Variants in ACSS3 observed in about 807,000 individuals in gnomAD.
The protein encoded by ACSS3 is acyl-CoA synthetase short chain family member 3, also known as acyl-CoA synthetase short-chain family member 3, mitochondrial.
In ACSS3, 64 loss-of-function variants were observed where a neutral mutation model predicts 84.2. The observed-to-expected ratio is 0.76, with a 90% confidence interval of 0.62 to 0.94. The LOEUF (loss-of-function observed/expected upper bound fraction) is 0.94. Ranked by LOEUF, ACSS3 falls within the 40% of genes least tolerant of loss-of-function variation. The probability of loss-of-function intolerance (pLI) is 0.00; values close to 1 mark genes in which losing one functional copy is unlikely to be tolerated. For missense variants in ACSS3, 815 were observed against 867.6 expected (o/e 0.94, Z 0.76); for synonymous variants, 317 against 310.1 (o/e 1.02, Z -0.23).
At chr12:81,165,988 T>C (rs1887384845) in intron 7 of ACSS3, among the ~76,000 whole-genome samples, 1 of 152,208 alleles carries the variant, frequency 6.6e-6, no homozygotes, top group Non-Finnish European at 1.5e-5. Context: ...GTAGATATTT[T>C]AAGTACCCCA....
At position 81,207,648 on chromosome 12, in the gene ACSS3, G is replaced by T. The variant is rs973279805; in HGVS notation, c.1354+8204G>T. ...AGAATCTTGGCCTGTAAATAATTCAGATTCAAAAAAACTTGGACTGTAAAA... is the reference window on the plus strand; with the variant it reads ...AGAATCTTGGCCTGTAAATAATTCATATTCAAAAAAACTTGGACTGTAAAA... On this transcript the variant is annotated intron_variant, in intron 9 of 15. Transcript: ENST00000548058. 5.3e-5 allele frequency among the ~76,000 whole-genome samples: 8 copies of T among 152,072 alleles called. No homozygotes were observed. The South Asian group carries it at 1.2e-3, about 24-fold the overall frequency.
chr12:81,099,186 TTGTTTCCAATA>T (rs1882304936), intron 1 of ACSS3, among the ~76,000 whole-genome samples: 1 of 152,284 alleles, frequency 6.6e-6, no homozygotes, highest in African/African-American at 2.4e-5. Flanking sequence ...CATCTTTGAA[TTGTTTCCAATA>T]TGTTGGCTTT....
At chr12:81,208,320 T>TA (rs1215542878) in intron 9 of ACSS3, among the ~76,000 whole-genome samples, 1 of 152,180 alleles carries the variant, frequency 6.6e-6, no homozygotes, top group Admixed American at 6.5e-5. Context: ...GAATGGCAGA[T>TA]TGCCAGATGC....
At chr12:81,231,430 T>G (rs1235371336) in intron 12 of ACSS3, among the ~76,000 whole-genome samples, 1 of 151,784 alleles carries the variant, frequency 6.6e-6, no homozygotes, top group Non-Finnish European at 1.5e-5. Flanking sequence ...CATAAAAATG[T>G]TTTTTGGACT....
At position 81,259,247 on chromosome 12, in the gene ACSS3, C is replaced by A; in HGVS notation, c.*4325C>A. ...AAATACAAACAGTACTTGGAATTGT[C>A]AAATGTTTGCACTCGAGACTCCATG... is the stretch of plus-strand genomic sequence containing the variant. On this transcript the variant is annotated 3_prime_UTR_variant, in exon 16 of 16. Coordinates refer to ENST00000548058, the MANE Select transcript of ACSS3 (RefSeq NM_024560.4). 2 of 271,236 alleles carry A rather than the reference C, an allele frequency of 7.4e-6. No homozygotes were observed. The highest frequency in any genetic ancestry group is 7.5e-5 in the South Asian group (2 of 26,730). 16.8% of individuals were successfully genotyped at this position (271,236 alleles called of 1,614,324 possible).
intron 2 of ACSS3, among the ~76,000 whole-genome samples, chr12:81,113,452 T>G (rs1883773316): frequency 6.6e-6 from 1 of 152,188 alleles, no homozygotes; most frequent in Admixed American, 6.6e-5. Flanking sequence ...CACTTTCTTT[T>G]TAATTTAGCA....
intron 8 of ACSS3, 107 bp from the exon 9 acceptor site, chr12:81,199,234 T>TATTC: frequency 2.1e-6 from 2 of 930,342 alleles, no homozygotes; most frequent in Non-Finnish European, 3.2e-6. Context: ...TATATTGCTG[T>TATTC]ATTCCTCTGA....
At chr12:81,166,210 A>T (rs1349128982) in intron 7 of ACSS3, among the ~76,000 whole-genome samples, 1 of 152,194 alleles carries the variant, frequency 6.6e-6, no homozygotes, top group Non-Finnish European at 1.5e-5. Flanking sequence ...AGTGATCAGA[A>T]TATTGAGAAG....
intron 4 of ACSS3, among the ~76,000 whole-genome samples, chr12:81,140,980 A>G (rs555503568): frequency 6.6e-6 from 1 of 152,134 alleles, no homozygotes; most frequent in African/African-American, 2.4e-5. Context: ...CTTATTTTGG[A>G]GATAAAGAAA....
At chr12:81,180,256 T>G (rs548374429) in intron 8 of ACSS3, among the ~76,000 whole-genome samples, 46 of 152,238 alleles carry the variant, frequency 3.0e-4, no homozygotes, top group Non-Finnish European at 6.2e-4. Context: ...AAATACTACT[T>G]CTCAGGTACT....
intron 13 of ACSS3, among the ~76,000 whole-genome samples, chr12:81,242,484 G>A (rs2033839945): frequency 6.7e-6 from 1 of 150,260 alleles, no homozygotes; most frequent in African/African-American, 2.4e-5. Flanking sequence ...TAGAAAAAGA[G>A]GGAATCCTCC....
intron 10 of ACSS3, among the ~76,000 whole-genome samples, chr12:81,217,556 A>G (rs2032965403): frequency 6.6e-6 from 1 of 152,158 alleles, no homozygotes. Context: ...TTAATAATAA[A>G]AACAGGCCGG....
intron 1 of ACSS3, among the ~76,000 whole-genome samples, chr12:81,093,052 T>C (rs2121343220): frequency 6.6e-6 from 1 of 152,204 alleles, no homozygotes; most frequent in East Asian, 1.9e-4. Context: ...GGACATTAGA[T>C]GGAGATGTAG....
chr12:81,217,582 C>A (rs1458154591), intron 10 of ACSS3, among the ~76,000 whole-genome samples: 1 of 152,184 alleles, frequency 6.6e-6, no homozygotes, highest in Admixed American at 6.5e-5. Flanking sequence ...GTGGCTCATG[C>A]CTGTAATCCC....
chr12:81,152,073 G>A lies in ACSS3; in HGVS notation c.1075G>A (p.Gly359Arg), dbSNP rs972470739. ...TATCTGCTATGGACCTCTTCTTCAT[G>A]GGAACACAACAGTTTTATATGAGGT... ...SYICYGPLLH[G>R]NTTVLYEGKP... Residue 359 changes from glycine to arginine, a missense_variant, in exon 7 of 16, where the codon GGG becomes AGG. By Grantham distance (125) the Gly-to-Arg change is moderately radical (BLOSUM62 -2). Coordinates refer to ENST00000548058, the MANE Select transcript of ACSS3 (RefSeq NM_024560.4). 9 of 1,612,706 alleles carry A rather than the reference G, an allele frequency of 5.6e-6. No individual in the cohort carries two copies. Among genetic ancestry groups the A allele is most frequent in the Non-Finnish European group, 7.6e-6 (9 of 1,179,526 alleles).
At chr12:81,245,285 C>CCCCG (rs1310348554) in intron 13 of ACSS3, among the ~76,000 whole-genome samples, 1 of 152,118 alleles carries the variant, frequency 6.6e-6, no homozygotes, top group Admixed American at 6.6e-5. Context: ...CACAGTGAAA[C>CCCCG]CCCGTCTCTA....
chr12:81,214,321 C>T (rs10778803), intron 9 of ACSS3, among the ~76,000 whole-genome samples: 99,737 of 151,800 alleles, frequency 0.66, 33,260 homozygotes, highest in Non-Finnish European at 0.73. Flanking sequence ...CCACTACGCC[C>T]AGCCAGCAAT....
At chr12:81,231,184 T>A (rs770954560) in intron 12 of ACSS3, 46 bp downstream of exon 12, 34 of 1,454,922 alleles carry the variant, frequency 2.3e-5, no homozygotes, top group Non-Finnish European at 3.0e-5. Flanking sequence ...TACTTTTCTA[T>A]AATTCTTGCC....
intron 8 of ACSS3, among the ~76,000 whole-genome samples, chr12:81,198,106 T>C (rs2031921544): frequency 6.6e-6 from 1 of 152,182 alleles, no homozygotes; most frequent in African/African-American, 2.4e-5. Flanking sequence ...TTCCACACTC[T>C]AAGAAACCAA....
Sources: gnomAD v4.1 joint callset for allele counts (sites outside exome capture counted in the v4.1 genomes callset) on GRCh38, gnomAD v4.1.1 for gene constraint, MANE v1.5 for transcripts, NCBI Gene and HGNC (gene_info 2026-07-23, HGNC 2026-07-21) for gene names.